LANCL1: variants seen among roughly 807,000 people sequenced by gnomAD.
The protein encoded by LANCL1 is LanC like glutathione S-transferase 1.
LANCL1 carries 50 observed loss-of-function variants against 50.6 expected under a neutral mutation model. The observed-to-expected ratio is 0.99, with a 90% CI of 0.79 to 1.25. LANCL1 has a LOEUF of 1.25. Among genes scored for constraint, LANCL1 ranks in the 50% most tolerant of loss-of-function variants. LANCL1 has a pLI of 0.00. For synonymous variants in LANCL1, 188 were observed against 178.6 expected (o/e 1.05, Z -0.42); for missense variants, 532 against 480.7 (o/e 1.11, Z -1.00).
Position 210,450,811 on chromosome 2 carries a change from A to G in LANCL1, c.407+4296T>C, listed in dbSNP as rs182960922. Among the ~76,000 whole-genome samples the G allele has an allele frequency of 3.7e-3, 565 of 152,346 alleles. 5 individuals are homozygous for G. Among genetic ancestry groups the G allele is most frequent in the Non-Finnish European group, 4.7e-3 (322 of 68,032 alleles). The stretch of plus-strand genomic sequence containing the variant: ...TCTCAAGCCAGTTAGAATGGCGATC[A>G]TTAAAAAGTTAGGAAACAACAGATG... On this transcript the variant is annotated intron_variant, in intron 4 of 9. Transcript: ENST00000450366.
At position 210,476,300 on chromosome 2, in the gene LANCL1, C is replaced by A. The variant is rs1694368428; in HGVS notation, c.81+16G>T. The stretch of plus-strand genomic sequence containing the variant: ...GGGGAGAGGCAGGGATGCAGGCAGA[C>A]ATATCCTAAACTCACCCTCCCGGCA... On this transcript the variant is annotated intron_variant, in intron 2 of 9. Coordinates refer to ENST00000450366, the MANE Select transcript of LANCL1 (RefSeq NM_006055.3). 6 of 1,592,522 alleles carry A rather than the reference C, an allele frequency of 3.8e-6. No individual in the cohort carries two copies. The highest frequency in any genetic ancestry group is 5.2e-6 in the Non-Finnish European group (6 of 1,160,714).
chr2:210,468,680 A>G (rs1337859305), intron 3 of LANCL1: 2 of 152,242 alleles, frequency 1.3e-5, no homozygotes, highest in Non-Finnish European at 2.9e-5. Flanking sequence ...TCTTCCCTCC[A>G]GCAGCCTGAA....
chr2:210,442,834 T>C (rs917614639), intron 4 of LANCL1: 1 of 152,272 alleles, frequency 6.6e-6, no homozygotes, highest in Non-Finnish European at 1.5e-5. Context: ...AGAGAACTCC[T>C]AATATCAGAG....
rs777258642 is a variant in LANCL1, at chr2:210,435,398, G to C, written c.1112C>G (p.Ser371Cys). 5 of 1,611,892 alleles carry C rather than the reference G, an allele frequency of 3.1e-6. No homozygotes were observed. The highest frequency in any genetic ancestry group is 1.1e-5 in the South Asian group (1 of 91,028). Residue 371 changes from serine (S) to cysteine (C), a missense_variant, in exon 9 of 10, where the codon TCT becomes TGT. Coordinates refer to ENST00000450366, the MANE Select transcript of LANCL1 (RefSeq NM_006055.3). Reference protein sequence around the residue: ...HGCRTPDTPFSLFEGMAGTIY... With the variant: ...HGCRTPDTPFCLFEGMAGTIY... ...AGTGTACAAAATACCTTCAAAGAGA[G>C]AGAAAGGGGTGTCTGGTGTTCTGCA...
At chr2:210,465,959 C>T (rs776651300) in intron 3 of LANCL1, among the ~76,000 whole-genome samples, 4 of 152,166 alleles carry the variant, frequency 2.6e-5, no homozygotes, top group African/African-American at 9.7e-5. Context: ...AATGCAAATG[C>T]TGTAGGGTTT....
In LANCL1 at chr2:210,473,910, G is replaced by C. The variant is rs2370958; in HGVS notation, c.82-1834C>G. 4.9e-3 allele frequency among the ~76,000 whole-genome samples: 749 copies of C among 152,232 alleles called. 4 individuals are homozygous for C. The highest frequency in any genetic ancestry group is 0.01 in the Middle Eastern group (3 of 294). ...ATATACTTCAATGTTAATACAAAAG[G>C]CCTATAAATCTCAGCTAGATAGAAG... On this transcript the variant is annotated intron_variant, in intron 2 of 9. Transcript: ENST00000450366.
At chr2:210,444,486 G>C (rs896666743) in intron 4 of LANCL1, among the ~76,000 whole-genome samples, 1 of 152,198 alleles carries the variant, frequency 6.6e-6, no homozygotes, top group Non-Finnish European at 1.5e-5. Flanking sequence ...AACTTATGAA[G>C]GAGTCTTTAA....
chr2:210,440,106 T>C (rs1693081678), intron 6 of LANCL1, among the ~76,000 whole-genome samples: 1 of 152,210 alleles, frequency 6.6e-6, no homozygotes, highest in Non-Finnish European at 1.5e-5. Flanking sequence ...GGGCAGAGCA[T>C]ATTCAGCTGT....
At chr2:210,467,511 T>C (rs978015066) in intron 3 of LANCL1, among the ~76,000 whole-genome samples, 1 of 152,242 alleles carries the variant, frequency 6.6e-6, no homozygotes, top group African/African-American at 2.4e-5. Flanking sequence ...CCCTTCCTTA[T>C]GATTTTCTTA....
intron 3 of LANCL1, among the ~76,000 whole-genome samples, chr2:210,464,733 G>A (rs527845414): frequency 1.4e-5 from 2 of 147,132 alleles, no homozygotes; most frequent in Admixed American, 1.3e-4. Context: ...TTGGGAGGCT[G>A]AGGCGGGTGG....
At chr2:210,437,514 A>T (rs1285510612) in intron 7 of LANCL1, among the ~76,000 whole-genome samples, 176 bp downstream of exon 7, 1 of 152,192 alleles carries the variant, frequency 6.6e-6, no homozygotes, top group African/African-American at 2.4e-5. Flanking sequence ...GATATGAAAC[A>T]ATGGCTGCTA....
chr2:210,453,348 G>C (rs1486480554), intron 4 of LANCL1, among the ~76,000 whole-genome samples: 1 of 152,148 alleles, frequency 6.6e-6, no homozygotes, highest in Non-Finnish European at 1.5e-5. Context: ...AAGATTTCAT[G>C]AAGAAGAGGG....
intron 4 of LANCL1, among the ~76,000 whole-genome samples, chr2:210,448,856 G>C (rs1455905356): frequency 1.3e-5 from 2 of 152,078 alleles, no homozygotes; most frequent in Non-Finnish European, 2.9e-5. Flanking sequence ...AATTGAGGCA[G>C]TAATTAATAG....
chr2:210,476,192 G>T (rs545143501), intron 2 of LANCL1, 124 bp downstream of exon 2: 3 of 575,606 alleles, frequency 5.2e-6, no homozygotes, highest in Non-Finnish European at 9.4e-6. Flanking sequence ...AATAATTTAC[G>T]TATTTATCGT....
rs778145387 is a variant in LANCL1 at position 210,431,601 on chromosome 2, C to T, written c.*2886G>A. 10 of 152,058 alleles carry T rather than the reference C, an allele frequency of 6.6e-5. No individual in the cohort carries two copies. The highest frequency in any genetic ancestry group is 1.3e-4 in the Non-Finnish European group (9 of 67,984). 9.4% of individuals were successfully genotyped at this position (152,058 alleles called of 1,614,324 possible). The stretch of plus-strand genomic sequence containing the variant: ...AAGTAGCTAGTAAAAGGCAGGGCAT[C>T]GTAAGATCAGACAAAAATTAACCTG... On this transcript the variant is annotated 3_prime_UTR_variant, in exon 10 of 10. Coordinates refer to ENST00000450366, the MANE Select transcript of LANCL1 (RefSeq NM_006055.3).
Position 210,476,347 on chromosome 2 carries a change from AG to A in LANCL1, c.49del (p.Leu17TrpfsTer12). 2 of 1,614,128 alleles carry A rather than the reference AG, an allele frequency of 1.2e-6. No individual in the cohort carries two copies. Among genetic ancestry groups the A allele is most frequent in the South Asian group, 2.2e-5 (2 of 91,076 alleles). On this transcript the variant is annotated frameshift_variant, in exon 2 of 10. Coordinates refer to ENST00000450366, the MANE Select transcript of LANCL1 (RefSeq NM_006055.3). LOFTEE classifies it high-confidence loss of function. ...PNPYADYNKS[L>X]AEGYFDAAGR... ...GGCAGCATCAAAGTAGCCTTCGGCC[AG>A]GGATTTGTTATAATCAGCATAAGGA...
chr2:210,468,029 A>G (rs886988675), intron 3 of LANCL1: 1 of 152,224 alleles, frequency 6.6e-6, no homozygotes, highest in African/African-American at 2.4e-5. Flanking sequence ...TGTTTAATAA[A>G]GCTACAAAAA....
chr2:210,454,594 C>A (rs990834769), intron 4 of LANCL1, among the ~76,000 whole-genome samples: 1 of 152,040 alleles, frequency 6.6e-6, no homozygotes. Context: ...GCTTAATAAA[C>A]TCTGGTAAGG....
chr2:210,476,830 G>A, upstream of LANCL1: 1 of 998,410 alleles, frequency 1.0e-6, no homozygotes, highest in Non-Finnish European at 1.2e-6. Context: ...CTCTCTTACA[G>A]TTTGTTAAAG....
Sources: allele counts gnomAD v4.1 joint callset (sites outside exome capture counted in the v4.1 genomes callset), GRCh38; gene constraint gnomAD v4.1.1; transcripts MANE v1.5; gene names NCBI Gene and HGNC (gene_info 2026-07-23, HGNC 2026-07-21).